The following FHIP1A variants were observed in gnomAD, a reference collection of about 807,000 sequenced individuals.
FHIP1A encodes the protein FHF complex subunit HOOK interacting protein 1A, also known as FHF complex subunit HOOK-interacting protein 1A.
A neutral mutation model predicts 88.6 loss-of-function variants in FHIP1A; 61 were observed. The ratio of observed to expected loss-of-function variants is 0.69; its 90% confidence interval spans 0.56 to 0.85. The LOEUF (loss-of-function observed/expected upper bound fraction) is 0.85, where lower values mean the gene tolerates loss of function less well. Among genes scored for constraint, FHIP1A ranks in the 40% least tolerant of loss-of-function variants. FHIP1A has a pLI of 0.00. For missense variants in FHIP1A, 1,154 were observed against 1,273.5 expected, an observed-to-expected ratio of 0.91 and a Z score of 1.43; for synonymous variants, 478 against 496.0, an observed-to-expected ratio of 0.96 and a Z score of 0.48.
chr4:151,516,201 A>T (rs1391931768), intron 3 of FHIP1A, among the ~76,000 whole-genome samples: 1 of 152,196 alleles, frequency 6.6e-6, no homozygotes, highest in Non-Finnish European at 1.5e-5. Context: ...GCAATGGGGA[A>T]AGGATTCCCT....
chr4:151,512,646 G>A (rs1388017026), intron 3 of FHIP1A, among the ~76,000 whole-genome samples: 3 of 152,058 alleles, frequency 2.0e-5, no homozygotes, highest in Non-Finnish European at 4.4e-5. Flanking sequence ...CGAGAACTAC[G>A]TGAAGAATGC....
rs1310417863 is a variant in FHIP1A, at chr4:151,656,798, T to C, written c.2769T>C (p.Ala923=). The C allele has an allele frequency of 2.6e-6, 4 of 1,551,730 alleles. No individual in the cohort carries two copies. Among genetic ancestry groups the C allele is most frequent in the Non-Finnish European group, 3.5e-6 (4 of 1,146,994 alleles). ...TGAAAAACAAGATTGAACAGTTTGC[T>C]TCTGTGGAGAGAGACTTCCCAGGGC... is the stretch of plus-strand genomic sequence containing the variant. The part of the protein sequence containing the change: ...ASVKNKIEQF[A]SVERDFPGLL... The change falls in exon 13 of 14, where the codon GCT becomes GCC. Residue 923 remains alanine (A), a synonymous_variant. Coordinates refer to ENST00000435205, the MANE Select transcript of FHIP1A (RefSeq NM_001109977.3). This position sits in a 1 kb window ranked among gnomAD's most constrained non-coding sequence, Gnocchi z 4.2.
chr4:151,501,979 TTTAAA>T (rs1164620888), intron 3 of FHIP1A, among the ~76,000 whole-genome samples: 4 of 151,228 alleles, frequency 2.6e-5, no homozygotes, highest in African/African-American at 9.7e-5. Flanking sequence ...AGACAAAGAC[TTTAAA>T]TTATGTATGC....
intron 2 of FHIP1A, among the ~76,000 whole-genome samples, chr4:151,477,921 A>T (rs1729763985): frequency 1.3e-5 from 2 of 152,182 alleles, no homozygotes; most frequent in South Asian, 4.1e-4. Flanking sequence ...ATATTGCTTT[A>T]TCTAGGAATT....
chr4:151,654,071 G>A (rs1737137896), intron 11 of FHIP1A, among the ~76,000 whole-genome samples: 1 of 149,008 alleles, frequency 6.7e-6, no homozygotes, highest in Admixed American at 6.6e-5. Context: ...TGTTAAGCAG[G>A]GTTTTTTTTT....
chr4:151,427,717 C>T (rs1376942461), intron 1 of FHIP1A, among the ~76,000 whole-genome samples: 2 of 152,038 alleles, frequency 1.3e-5, no homozygotes, highest in East Asian at 3.8e-4. Context: ...GACATTGTAA[C>T]CCAGACTTAT....
Position 151,519,090 on chromosome 4 carries a change from T to A in FHIP1A, c.-123+36442T>A, listed in dbSNP as rs564273611. On this transcript the variant is annotated intron_variant, in intron 3 of 13. Transcript: ENST00000435205. Reference sequence around the variant, plus strand: ...TTAGTTTTTCTTTTGATACAAAATTTGTACTCAAATGAAATGCGTACATCT... The same window carrying A: ...TTAGTTTTTCTTTTGATACAAAATTAGTACTCAAATGAAATGCGTACATCT... Among the ~76,000 whole-genome samples the A allele has an allele frequency of 9.8e-5, 15 of 152,348 alleles. No individual in the cohort carries two copies. In the South Asian group the frequency reaches 3.1e-3, roughly 32 times the overall value.
At chr4:151,605,136 A>G (rs548610583) in intron 7 of FHIP1A, among the ~76,000 whole-genome samples, 1 of 152,256 alleles carries the variant, frequency 6.6e-6, no homozygotes, top group South Asian at 2.1e-4. Flanking sequence ...GATTAGAAAG[A>G]GGGGACTGTT....
chr4:151,618,899 G>A (rs1735640013), intron 7 of FHIP1A, among the ~76,000 whole-genome samples: 1 of 152,156 alleles, frequency 6.6e-6, no homozygotes, highest in Non-Finnish European at 1.5e-5. Context: ...GAGAATCCTG[G>A]CTGAGAAAGG....
chr4:151,445,684 G>T (rs887348128), intron 1 of FHIP1A, among the ~76,000 whole-genome samples: 1 of 151,270 alleles, frequency 6.6e-6, no homozygotes, highest in African/African-American at 2.4e-5. Flanking sequence ...GGGGACAAAG[G>T]CTAAATATAT....
rs765095579 is a variant in FHIP1A, at chr4:151,650,188, G to C, written c.2147G>C (p.Arg716Thr). Residue 716 changes from arginine to threonine, a missense_variant, in exon 11 of 14, where the codon AGG becomes ACG. Transcript: ENST00000435205. ...HSEPKEPKQE[R>T]EPEAAPESNS... is the part of the protein sequence containing the mutation. ...GAGCCCAAGGAGCCAAAGCAAGAGA[G>C]GGAACCTGAAGCAGCCCCAGAATCC... 3 of 1,551,596 alleles carry C rather than the reference G, an allele frequency of 1.9e-6. No homozygotes were observed. The highest frequency in any genetic ancestry group is 2.6e-6 in the Non-Finnish European group (3 of 1,147,006).
At chr4:151,484,592 A>G (rs1730013501) in intron 3 of FHIP1A, among the ~76,000 whole-genome samples, 1 of 152,256 alleles carries the variant, frequency 6.6e-6, no homozygotes, top group African/African-American at 2.4e-5. Flanking sequence ...TAGCATAACA[A>G]GGACCACCCA....
Position 151,649,869 on chromosome 4 carries a change from C to T in FHIP1A, c.1828C>T (p.Pro610Ser). 1.3e-6 allele frequency: 2 copies of T among 1,551,540 alleles called. No individual in the cohort carries two copies. The highest frequency in any genetic ancestry group is 8.7e-7 in the Non-Finnish European group (1 of 1,146,948). Residue 610 changes from proline to serine, a missense_variant, in exon 11 of 14, where the codon CCC becomes TCC. Transcript: ENST00000435205. ...TCTGGAGGTTTCAGGCCCCCCAGCA[C>T]CCATTGATCCCCCCAAACACATCCA... ...DDLEVSGPPA[P>S]IDPPKHIQEM...
chr4:151,498,312 G>A (rs1730532901), intron 3 of FHIP1A, among the ~76,000 whole-genome samples: 1 of 152,212 alleles, frequency 6.6e-6, no homozygotes, highest in African/African-American at 2.4e-5. Context: ...ACAAATGACT[G>A]CAACAACTTT....
intron 7 of FHIP1A, among the ~76,000 whole-genome samples, chr4:151,593,396 C>G (rs1038260199): frequency 6.6e-6 from 1 of 152,178 alleles, no homozygotes; most frequent in African/African-American, 2.4e-5. Flanking sequence ...TATCCATGAG[C>G]ATAGAATGTT....
At chr4:151,487,572 A>G (rs1397446364) in intron 3 of FHIP1A, among the ~76,000 whole-genome samples, 1 of 152,188 alleles carries the variant, frequency 6.6e-6, no homozygotes, top group Non-Finnish European at 1.5e-5. Context: ...TGTTCTTCAC[A>G]CCTGAAATCC....
chr4:151,635,040 C>T (rs1180189075), intron 8 of FHIP1A, among the ~76,000 whole-genome samples: 1 of 151,686 alleles, frequency 6.6e-6, no homozygotes, highest in Non-Finnish European at 1.5e-5. Flanking sequence ...TTCTGTAACT[C>T]ACCACCAACC....
intron 2 of FHIP1A, among the ~76,000 whole-genome samples, chr4:151,470,881 GCCGT>G (rs1729483865): frequency 6.6e-6 from 1 of 152,066 alleles, no homozygotes; most frequent in African/African-American, 2.4e-5. Context: ...TTGGACTGTG[GCCGT>G]ATTGTATTTT....
intron 3 of FHIP1A, among the ~76,000 whole-genome samples, chr4:151,557,427 T>G (rs1270004762): frequency 6.6e-6 from 1 of 152,222 alleles, no homozygotes; most frequent in Non-Finnish European, 1.5e-5. Context: ...TTGCTTTCTC[T>G]TTTTTCCCCC....
Sources: gnomAD v4.1 joint callset for allele counts (sites outside exome capture counted in the v4.1 genomes callset) on GRCh38, gnomAD v4.1.1 for gene constraint, Gnocchi (gnomAD v3.1) non-coding constraint, MANE v1.5 for transcripts, NCBI Gene and HGNC (gene_info 2026-07-23, HGNC 2026-07-21) for gene names.